Variants in NMRK1 observed in about 807,000 individuals in gnomAD.
The protein encoded by NMRK1 is nicotinamide riboside kinase 1, also known as NRK 1.
In NMRK1, 28 loss-of-function variants were observed where a neutral mutation model predicts 29.9. The ratio of observed to expected loss-of-function variants is 0.94; its 90% CI spans 0.69 to 1.28. The LOEUF is 1.28. Among genes scored for constraint, NMRK1 ranks in the 50% most tolerant of loss-of-function variants. The pLI is 0.00. For missense variants in NMRK1, 218 were observed against 233.1 expected (o/e 0.94, Z 0.42); for synonymous variants, 58 against 73.0 (o/e 0.79, Z 1.05).
intron 4 of NMRK1, among the ~76,000 whole-genome samples, chr9:75,076,931 G>A (rs1824024934): frequency 6.6e-6 from 1 of 152,158 alleles, no homozygotes; most frequent in Non-Finnish European, 1.5e-5. Flanking sequence ...CTGGAAAAAG[G>A]TTTTAACTTA....
intron 4 of NMRK1, among the ~76,000 whole-genome samples, chr9:75,076,634 AG>A (rs1824004725): frequency 6.6e-6 from 1 of 152,346 alleles, no homozygotes; most frequent in South Asian, 2.1e-4. Flanking sequence ...TCTGTCACCC[AG>A]GGTGGAGTAC....
At chr9:75,068,243 G>T (rs1414491132) in intron 7 of NMRK1, among the ~76,000 whole-genome samples, 1 of 152,100 alleles carries the variant, frequency 6.6e-6, no homozygotes, top group African/African-American at 2.4e-5. Flanking sequence ...AGCCAGAGGG[G>T]TCTTAACTAA....
intron 2 of NMRK1, 63 bp downstream of exon 2, chr9:75,083,024 C>G (rs1334509724): frequency 8.1e-7 from 1 of 1,227,384 alleles, no homozygotes; most frequent in Non-Finnish European, 1.2e-6. Context: ...ACTCCATCCA[C>G]ACAGAAACAC....
intron 6 of NMRK1, 21 bp from the exon 7 acceptor site, chr9:75,069,123 C>T: frequency 6.6e-7 from 1 of 1,524,732 alleles, no homozygotes; most frequent in Non-Finnish European, 9.1e-7. Context: ...ACGTAGGAAA[C>T]TTTATGTTGA....
At chr9:75,062,840 T>C (rs892271727) in intron 8 of NMRK1, among the ~76,000 whole-genome samples, 2 of 152,168 alleles carry the variant, frequency 1.3e-5, no homozygotes, top group Non-Finnish European at 2.9e-5. Flanking sequence ...GAGACCAGCC[T>C]GATCAACATA....
Position 75,069,825 on chromosome 9 carries a change from G to C in NMRK1, c.318-12C>G. On this transcript the variant is annotated splice_polypyrimidine_tract_variant and intron_variant, in intron 5 of 8. Transcript: ENST00000361092. Reference sequence around the variant, plus strand: ...TAGTGTCAAGGGGCCTAAAATAACAGCATACTTAGTTCACAAGGGTTTTTA... The same window carrying C: ...TAGTGTCAAGGGGCCTAAAATAACACCATACTTAGTTCACAAGGGTTTTTA... 3.1e-6 allele frequency: 5 copies of C among 1,611,980 alleles called. No homozygotes were observed. The highest frequency in any genetic ancestry group is 4.2e-6 in the Non-Finnish European group (5 of 1,178,906).
chr9:75,066,355 T>C, intron 8 of NMRK1: 1 of 466,380 alleles, frequency 2.1e-6, no homozygotes, highest in Non-Finnish European at 4.2e-6. Flanking sequence ...TTTGAGGTAT[T>C]TGGAAAGTAG....
At position 75,083,090 on chromosome 9, in the gene NMRK1, C is replaced by A. The variant is rs1220603313; in HGVS notation, c.26G>T (p.Ser9Ile). ...TGTTTGTAGCAAAATTACTCACCCA[C>A]TGATTCCAATGATAAATGTTTTCAT... Reference protein sequence around the residue: MKTFIIGISGVTNSGKTTL... With the variant: MKTFIIGIIGVTNSGKTTL... The change falls in exon 2 of 9, where the codon AGT (serine) becomes ATT (isoleucine). Residue 9 changes from serine to isoleucine, a missense_variant. Coordinates refer to ENST00000361092, the MANE Select transcript of NMRK1 (RefSeq NM_017881.3). 1 of 1,597,892 alleles carries A rather than the reference C, an allele frequency of 6.3e-7. No individual in the cohort carries two copies. Among genetic ancestry groups the A allele is most frequent in the Non-Finnish European group, 8.6e-7 (1 of 1,165,172 alleles).
At chr9:75,078,506 CGAG>C (rs35443976) in intron 2 of NMRK1, 174,865 of 1,366,336 alleles carry the variant, frequency 0.13, 11,394 homozygotes, top group South Asian at 0.16. Context: ...TTTGCAGCAT[CGAG>C]GAGATCACAC....
chr9:75,081,944 T>C (rs964472395), intron 2 of NMRK1, among the ~76,000 whole-genome samples: 7 of 152,118 alleles, frequency 4.6e-5, no homozygotes, highest in Admixed American at 2.0e-4. Context: ...GAAAGACACA[T>C]AAAAGAGAGA....
At chr9:75,083,488 T>C (rs1253991398) in intron 1 of NMRK1, among the ~76,000 whole-genome samples, 1 of 152,232 alleles carries the variant, frequency 6.6e-6, no homozygotes, top group Non-Finnish European at 1.5e-5. Context: ...GCCTTCCACC[T>C]TCACGATTCA....
At chr9:75,085,426 T>C (rs749038507) in intron 1 of NMRK1, among the ~76,000 whole-genome samples, 3 of 152,214 alleles carry the variant, frequency 2.0e-5, no homozygotes, top group Non-Finnish European at 4.4e-5. Flanking sequence ...GTGTTAGGTA[T>C]GTGCTAGCTT....
intron 8 of NMRK1, among the ~76,000 whole-genome samples, chr9:75,064,230 T>A (rs1268095538): frequency 6.6e-6 from 1 of 152,134 alleles, no homozygotes; most frequent in African/African-American, 2.4e-5. Context: ...AGTAGGTAGA[T>A]CATAAGGCCA....
intron 1 of NMRK1, among the ~76,000 whole-genome samples, chr9:75,084,307 C>T (rs1824493395): frequency 6.6e-6 from 1 of 152,178 alleles, no homozygotes; most frequent in South Asian, 2.1e-4. Context: ...CAGCAATGCT[C>T]CAGTTTCTAT....
chr9:75,084,722 G>T (rs1430954120), intron 1 of NMRK1, among the ~76,000 whole-genome samples: 1 of 152,196 alleles, frequency 6.6e-6, no homozygotes. Flanking sequence ...CCTACAAGGT[G>T]GGGGTAGCAG....
At chr9:75,066,612 T>C in intron 8 of NMRK1, 145 bp downstream of exon 8, 2 of 674,270 alleles carry the variant, frequency 3.0e-6, no homozygotes, top group South Asian at 3.2e-5. Flanking sequence ...CCAGAATTTC[T>C]GATTCTGAAT....
chr9:75,085,998 A>G (rs1454617746), intron 1 of NMRK1, among the ~76,000 whole-genome samples: 2 of 151,686 alleles, frequency 1.3e-5, no homozygotes, highest in Non-Finnish European at 2.9e-5. Flanking sequence ...TGCACAGGGC[A>G]GCTTTAGGGG....
chr9:75,083,015 C>T, intron 2 of NMRK1, 72 bp downstream of exon 2: 1 of 1,111,184 alleles, frequency 9.0e-7, no homozygotes, highest in Non-Finnish European at 1.4e-6. Context: ...CCGTCCCCCA[C>T]TCCATCCACA....
At chr9:75,063,249 T>G (rs1823134089) in intron 8 of NMRK1, among the ~76,000 whole-genome samples, 1 of 139,802 alleles carries the variant, frequency 7.2e-6, no homozygotes, top group Non-Finnish European at 1.5e-5. Flanking sequence ...GAGCTTGCAG[T>G]GAGCCGAAAT....
Sources: gnomAD v4.1 joint callset for allele counts (sites outside exome capture counted in the v4.1 genomes callset) on GRCh38, gnomAD v4.1.1 for gene constraint, MANE v1.5 for transcripts, NCBI Gene and HGNC (gene_info 2026-07-23, HGNC 2026-07-21) for gene names.